The following NRXN1 variants were observed in gnomAD, a reference collection of about 807,000 sequenced individuals.
The protein encoded by NRXN1 is neurexin 1, also known as neurexin-1.
Under a neutral mutation model 150.9 loss-of-function variants are expected in NRXN1, and 39 were observed. The ratio of observed to expected loss-of-function variants is 0.26; its 90% CI spans 0.20 to 0.34. NRXN1 has a LOEUF of 0.34. Ranked by LOEUF, NRXN1 falls within the 10% of genes least tolerant of loss-of-function variation. The pLI is 1.00. For synonymous variants in NRXN1, 924 were observed against 757.0 expected (o/e 1.22, Z -3.62); for missense variants, 1,815 against 1,949.9 (o/e 0.93, Z 1.30).
chr2:50,547,372 G>A (rs1054640532), intron 9 of NRXN1: 1 of 152,156 alleles, frequency 6.6e-6, no homozygotes, highest in African/African-American at 2.4e-5. Context: ...CTTTGACTGA[G>A]CCAGAGTTTA....
intron 8 of NRXN1, chr2:50,616,416 G>C (rs1024081401): frequency 6.6e-6 from 1 of 152,160 alleles, no homozygotes; most frequent in African/African-American, 2.4e-5. Context: ...ATGCCATATA[G>C]GGAAAGACCT....
At chr2:50,913,889 C>T (rs1574914482) in intron 5 of NRXN1, among the ~76,000 whole-genome samples, 1 of 151,702 alleles carries the variant, frequency 6.6e-6, no homozygotes, top group South Asian at 2.1e-4. Flanking sequence ...TTAATATAAA[C>T]CGTGAAAACA....
At chr2:50,458,030 T>C (rs1205050431) in intron 17 of NRXN1, among the ~76,000 whole-genome samples, 1 of 152,120 alleles carries the variant, frequency 6.6e-6, no homozygotes, top group Non-Finnish European at 1.5e-5. Context: ...GATAATTGCA[T>C]TCCCATGTTT....
intron 17 of NRXN1, among the ~76,000 whole-genome samples, chr2:50,242,455 T>C (rs1447056734): frequency 6.6e-6 from 1 of 151,852 alleles, no homozygotes; most frequent in Non-Finnish European, 1.5e-5. Context: ...TATTGTAAGT[T>C]CTTTGTAGAA....
chr2:50,299,019 C>A (rs1223448352), intron 17 of NRXN1, among the ~76,000 whole-genome samples: 1 of 152,088 alleles, frequency 6.6e-6, no homozygotes, highest in Non-Finnish European at 1.5e-5. Flanking sequence ...GGAGAAAATG[C>A]CATCCTTTTA....
At chr2:50,908,198 C>A (rs935821095) in intron 5 of NRXN1, among the ~76,000 whole-genome samples, 3 of 151,974 alleles carry the variant, frequency 2.0e-5, no homozygotes, top group African/African-American at 7.2e-5. Context: ...AGTAATGTTT[C>A]ATGTTTTAAA....
intron 5 of NRXN1, among the ~76,000 whole-genome samples, chr2:50,755,351 A>G (rs576846134): frequency 6.6e-6 from 1 of 151,782 alleles, no homozygotes; most frequent in Non-Finnish European, 1.5e-5. Flanking sequence ...TTTTGAACCT[A>G]ATTATTGTGA....
rs192961069 is a variant in NRXN1 at position 50,766,773 on chromosome 2, T to C, written c.833-143158A>G. Among the ~76,000 whole-genome samples, 305 of 152,098 alleles carry C rather than the reference T, an allele frequency of 2.0e-3. 3 individuals carry two copies. The highest frequency in any genetic ancestry group is 6.8e-3 in the African/African-American group (281 of 41,534). ...GGGAGGGTCAATTACCAGGACTACA[T>C]TGTTTCTCTAGTTCAGATGTGCAGA... On this transcript the variant is annotated intron_variant, in intron 5 of 22. Transcript: ENST00000401669.
At chr2:50,893,004 C>A (rs1453019403) in intron 5 of NRXN1, among the ~76,000 whole-genome samples, 1 of 152,090 alleles carries the variant, frequency 6.6e-6, no homozygotes, top group Non-Finnish European at 1.5e-5. Flanking sequence ...CCATTTTCAC[C>A]CAAACAAGAA....
intron 17 of NRXN1, among the ~76,000 whole-genome samples, chr2:50,316,142 C>T (rs1416532655): frequency 6.6e-6 from 1 of 151,972 alleles, no homozygotes; most frequent in Non-Finnish European, 1.5e-5. Context: ...AGCTTGGAGG[C>T]TATAATATCT....
At chr2:50,651,032 C>G (rs1685539016) in intron 5 of NRXN1, among the ~76,000 whole-genome samples, 1 of 151,922 alleles carries the variant, frequency 6.6e-6, no homozygotes, top group African/African-American at 2.4e-5. Flanking sequence ...CCTTTGTTAC[C>G]TGGCACTCAG....
chr2:50,623,268 T>G, intron 6 of NRXN1, 46 bp downstream of exon 6: 2 of 1,497,742 alleles, frequency 1.3e-6, no homozygotes, highest in Non-Finnish European at 1.8e-6. Context: ...CACACAGCTA[T>G]AGCGAGAAAC....
At chr2:50,642,093 T>C (rs1684163550) in intron 5 of NRXN1, among the ~76,000 whole-genome samples, 1 of 152,244 alleles carries the variant, frequency 6.6e-6, no homozygotes, top group Non-Finnish European at 1.5e-5. Flanking sequence ...GACCATTTTA[T>C]AATGTATTGC....
intron 5 of NRXN1, chr2:50,631,332 A>G (rs1682283295): frequency 3.5e-6 from 1 of 289,020 alleles, no homozygotes; most frequent in African/African-American, 2.4e-5. Flanking sequence ...AAATAATTCA[A>G]AAGGAGACCC....
intron 17 of NRXN1, among the ~76,000 whole-genome samples, chr2:50,392,388 C>T (rs775490743): frequency 4.6e-5 from 7 of 152,020 alleles, no homozygotes; most frequent in Non-Finnish European, 7.4e-5. Context: ...ACTATACTAG[C>T]GTTTTGATAG....
In NRXN1 at chr2:49,921,576, T is replaced by C. The variant is rs1668205954; in HGVS notation, c.*368A>G. On this transcript the variant is annotated 3_prime_UTR_variant, in exon 23 of 23. Coordinates refer to ENST00000401669, the MANE Select transcript of NRXN1 (RefSeq NM_001330078.2). ...TCCAGGATCATAGGTAGCTTCTTTT[T>C]TGTGTTATGTTTTGTGTTGGTTTTT... 5.3e-6 allele frequency: 1 copy of C among 189,842 alleles called. No homozygotes were observed. The highest frequency in any genetic ancestry group is 1.1e-4 in the South Asian group (1 of 9,494). 11.8% of individuals were successfully genotyped at this position (189,842 alleles called of 1,614,324 possible). A position where few individuals can be genotyped will look rare whatever the true frequency, so the allele number is the denominator to read the frequency against.
intron 19 of NRXN1, among the ~76,000 whole-genome samples, chr2:50,063,431 CTT>C (rs1694867951): frequency 1.3e-5 from 2 of 151,924 alleles, no homozygotes; most frequent in Non-Finnish European, 2.9e-5. Context: ...AAATTAGTCA[CTT>C]TGTAATTTTT....
intron 2 of NRXN1, among the ~76,000 whole-genome samples, chr2:50,990,770 C>A (rs940467736): frequency 6.6e-6 from 1 of 151,966 alleles, no homozygotes; most frequent in Non-Finnish European, 1.5e-5. Flanking sequence ...AGCTGTTTCC[C>A]AGATCCATGG....
chr2:50,560,424 G>GTTTGTTTA (rs367680337), intron 8 of NRXN1, among the ~76,000 whole-genome samples: 24 of 89,472 alleles, frequency 2.7e-4, no homozygotes, highest in Admixed American at 3.1e-4. Context: ...TCTGATGTAT[G>GTTTGTTTA]TTTATTTATT....
Sources: gnomAD v4.1 joint callset for allele counts (sites outside exome capture counted in the v4.1 genomes callset) on GRCh38, gnomAD v4.1.1 for gene constraint, MANE v1.5 for transcripts, NCBI Gene and HGNC (gene_info 2026-07-23, HGNC 2026-07-21) for gene names.